Variants in NXPE2 observed in about 807,000 individuals in gnomAD.
NXPE2 encodes neurexophilin and PC-esterase domain family member 2.
In NXPE2, 34 loss-of-function variants were observed where a neutral mutation model predicts 34.4. That is an observed-to-expected ratio of 0.99 (90% CI 0.75 to 1.31). The LOEUF (loss-of-function observed/expected upper bound fraction) is 1.31. NXPE2 is among the 40% of genes most tolerant of loss of function. NXPE2 has a pLI of 0.00. For synonymous variants in NXPE2, 235 were observed against 231.3 expected, an observed-to-expected ratio of 1.02 and a Z score of -0.15; for missense variants, 649 against 672.5, an observed-to-expected ratio of 0.97 and a Z score of 0.39.
At chr11:114,682,493 T>A (rs1260914640) in intron 2 of NXPE2, among the ~76,000 whole-genome samples, 3 of 152,170 alleles carry the variant, frequency 2.0e-5, no homozygotes, top group African/African-American at 7.2e-5. Context: ...AAGATGAGGC[T>A]TTAATTGCTG....
chr11:114,484,391 A>T, the NXPE2 span, among the ~76,000 whole-genome samples: 11 of 152,038 alleles, frequency 7.2e-5, no homozygotes, highest in African/African-American at 1.2e-4. Flanking sequence ...TGATGACTGC[A>T]TGTGCTCTCT....
chr11:114,610,637 A>C, the NXPE2 span, among the ~76,000 whole-genome samples: 5 of 141,232 alleles, frequency 3.5e-5, no homozygotes, highest in African/African-American at 1.5e-4. Flanking sequence ...GTGTTGCCTC[A>C]TGGGTAACCA....
At chr11:114,485,785 A>T in the NXPE2 span, among the ~76,000 whole-genome samples, 3 of 152,204 alleles carry the variant, frequency 2.0e-5, no homozygotes, top group South Asian at 6.2e-4. Flanking sequence ...TTCACTTAAC[A>T]TAATGACCTC....
the NXPE2 span, among the ~76,000 whole-genome samples, chr11:114,656,472 G>C: frequency 2.0e-5 from 3 of 152,028 alleles, no homozygotes; most frequent in Non-Finnish European, 4.4e-5. Context: ...CTATAGCCAA[G>C]ACAATTCTAA....
chr11:114,527,706 C>T, the NXPE2 span: 3 of 552,416 alleles, frequency 5.4e-6, no homozygotes, highest in Non-Finnish European at 9.5e-6. Context: ...TTCATTTCTC[C>T]CTTTAAAGTC....
chr11:114,639,448 G>A, the NXPE2 span, among the ~76,000 whole-genome samples: 3 of 151,520 alleles, frequency 2.0e-5, no homozygotes, highest in Admixed American at 6.6e-5. Context: ...GCTCTGCTTC[G>A]GCTCATGCAC....
chr11:114,784,768 C>A, the NXPE2 span, among the ~76,000 whole-genome samples: 1 of 152,094 alleles, frequency 6.6e-6, no homozygotes, highest in African/African-American at 2.4e-5. Context: ...CAAAGAGATA[C>A]CGCCAAATAG....
chr11:114,522,087 G>A, the NXPE2 span: 1 of 1,614,030 alleles, frequency 6.2e-7, no homozygotes, highest in South Asian at 1.1e-5. Context: ...CCCACGTTGA[G>A]GTCTTTGAAA....
the NXPE2 span, chr11:114,528,765 AG>A: frequency 2.2e-5 from 14 of 630,772 alleles, no homozygotes; most frequent in Admixed American, 8.3e-5. Flanking sequence ...ATGAGGACCC[AG>A]GTGCCAAGTA....
At chr11:114,743,606 T>A in the NXPE2 span, among the ~76,000 whole-genome samples, 1 of 152,134 alleles carries the variant, frequency 6.6e-6, no homozygotes. Context: ...GCCTACTTTT[T>A]ATAGATGGGA....
At chr11:114,586,261 G>T in the NXPE2 span, among the ~76,000 whole-genome samples, 2 of 152,182 alleles carry the variant, frequency 1.3e-5, no homozygotes, top group South Asian at 2.1e-4. Context: ...CTCACTCCTT[G>T]TATGTCCATG....
At chr11:114,602,310 T>A in the NXPE2 span, among the ~76,000 whole-genome samples, 1 of 115,836 alleles carries the variant, frequency 8.6e-6, no homozygotes, top group Non-Finnish European at 1.7e-5. Context: ...ATACTATATA[T>A]AATATATATT....
At chr11:114,533,764 G>C in the NXPE2 span, among the ~76,000 whole-genome samples, 2 of 152,232 alleles carry the variant, frequency 1.3e-5, no homozygotes, top group African/African-American at 4.8e-5. Flanking sequence ...GCTCAGGCTT[G>C]AGTAGGTAAA....
the NXPE2 span, among the ~76,000 whole-genome samples, chr11:114,632,568 C>A: frequency 9.3e-6 from 1 of 107,862 alleles, no homozygotes; most frequent in African/African-American, 3.7e-5. Context: ...TATATATTTA[C>A]ATATATCATA....
At chr11:114,807,732 CAAT>C in the NXPE2 span, among the ~76,000 whole-genome samples, 976 of 151,828 alleles carry the variant, frequency 6.4e-3, 8 homozygotes, top group African/African-American at 0.023. Context: ...GACTCCCACA[CAAT>C]AATAATGGGA....
At chr11:114,778,917 G>A in the NXPE2 span, among the ~76,000 whole-genome samples, 4 of 152,176 alleles carry the variant, frequency 2.6e-5, no homozygotes, top group Non-Finnish European at 5.9e-5. Context: ...CAAAGAACCC[G>A]TTGTGGCTTT....
chr11:114,613,352 G>A, the NXPE2 span, among the ~76,000 whole-genome samples: 24 of 151,302 alleles, frequency 1.6e-4, no homozygotes, highest in Admixed American at 1.1e-3. Flanking sequence ...GTACTGCCTC[G>A]TGGATAACCA....
At chr11:114,530,568 G>A in the NXPE2 span, 2 of 1,613,982 alleles carry the variant, frequency 1.2e-6, no homozygotes, top group African/African-American at 2.7e-5. Context: ...TGCCGTCAGT[G>A]CTGGGGAGGA....
At chr11:114,517,893 G>C in the NXPE2 span, 1 of 152,316 alleles carries the variant, frequency 6.6e-6, no homozygotes, top group Non-Finnish European at 1.5e-5. Flanking sequence ...CTTTGCATCT[G>C]CTAGTCCTCC....
Sources: allele counts gnomAD v4.1 joint callset (sites outside exome capture counted in the v4.1 genomes callset), GRCh38; gene constraint gnomAD v4.1.1; transcripts MANE v1.5; gene names NCBI Gene and HGNC (gene_info 2026-07-23, HGNC 2026-07-21).